KCNIP4: variants seen among roughly 807,000 people sequenced by gnomAD.
KCNIP4 encodes Kv channel-interacting protein 4.
A neutral mutation model predicts 34.0 loss-of-function variants in KCNIP4; 12 were observed. The ratio of observed to expected loss-of-function variants is 0.35; its 90% confidence interval spans 0.23 to 0.57. The LOEUF is 0.57. KCNIP4 is among the 20% of genes least tolerant of loss of function. The probability of loss-of-function intolerance (pLI) is 0.83; values close to 1 mark genes in which losing one functional copy is unlikely to be tolerated. For missense variants in KCNIP4, 238 were observed against 311.7 expected, an observed-to-expected ratio of 0.76 and a Z score of 1.78; for synonymous variants, 124 against 102.2, an observed-to-expected ratio of 1.21 and a Z score of -1.29.
chr4:20,918,520 ACT>A (rs1340931093), intron 1 of KCNIP4, among the ~76,000 whole-genome samples: 1 of 152,076 alleles, frequency 6.6e-6, no homozygotes, highest in Non-Finnish European at 1.5e-5. Context: ...GATGAAGAGT[ACT>A]CCATAATCAC....
At chr4:20,777,161 T>A (rs1756446238) in intron 3 of KCNIP4, among the ~76,000 whole-genome samples, 1 of 152,136 alleles carries the variant, frequency 6.6e-6, no homozygotes, top group South Asian at 2.1e-4. Flanking sequence ...TATAGACGCC[T>A]CAGAAAACTT....
At chr4:21,070,108 T>A (rs1242227522) in intron 1 of KCNIP4, among the ~76,000 whole-genome samples, 1 of 152,204 alleles carries the variant, frequency 6.6e-6, no homozygotes, top group African/African-American at 2.4e-5. Context: ...CTTTCAAGAT[T>A]GGAGTTTTCA....
chr4:21,862,856 G>T (rs1725162849), intron 1 of KCNIP4, among the ~76,000 whole-genome samples: 1 of 151,996 alleles, frequency 6.6e-6, no homozygotes, highest in Non-Finnish European at 1.5e-5. Flanking sequence ...AGCTACTCGG[G>T]AGGCTGAGGC....
In KCNIP4 at chr4:21,678,860, G is replaced by A. The variant is rs193178121; in HGVS notation, c.61+269711C>T. ...TTGAAGTCCTAACTCCCAGTACCTC[G>A]GAACGTGACTGTACTTAGAGATAAG... On this transcript the variant is annotated intron_variant, in intron 1 of 8. Coordinates refer to ENST00000382152, the MANE Select transcript of KCNIP4 (RefSeq NM_025221.6). Among the ~76,000 whole-genome samples, 308 of 152,152 alleles carry A rather than the reference G, an allele frequency of 2.0e-3. 2 individuals are homozygous for A. Among genetic ancestry groups the A allele is most frequent in the African/African-American group, 6.9e-3 (285 of 41,492 alleles).
chr4:21,175,643 C>T (rs770346351), intron 1 of KCNIP4, among the ~76,000 whole-genome samples: 8 of 152,064 alleles, frequency 5.3e-5, no homozygotes, highest in African/African-American at 1.9e-4. Context: ...GTTACTTGAA[C>T]GCAAGCACTG....
At chr4:20,731,589 C>G (rs1047390487) in intron 8 of KCNIP4, 5 of 985,198 alleles carry the variant, frequency 5.1e-6, no homozygotes, top group Admixed American at 1.2e-4. Flanking sequence ...TCTTAGAAAT[C>G]AGATAGAAGC....
chr4:21,330,680 T>G (rs1715540921), intron 1 of KCNIP4, among the ~76,000 whole-genome samples: 1 of 152,174 alleles, frequency 6.6e-6, no homozygotes, highest in Non-Finnish European at 1.5e-5. Context: ...AAAAGTGATG[T>G]CCTTAAAGAA....
chr4:21,459,540 G>A (rs1045888644), intron 1 of KCNIP4, among the ~76,000 whole-genome samples: 1 of 152,028 alleles, frequency 6.6e-6, no homozygotes, highest in Non-Finnish European at 1.5e-5. Context: ...GCTCCCAAAA[G>A]TATAGCTCCT....
At chr4:21,314,000 C>T (rs762641652) in intron 1 of KCNIP4, among the ~76,000 whole-genome samples, 14 of 152,154 alleles carry the variant, frequency 9.2e-5, no homozygotes, top group Non-Finnish European at 1.6e-4. Context: ...GATGTAGGCT[C>T]GGGCTGTGAT....
chr4:21,894,150 GGT>G (rs1727253694), intron 1 of KCNIP4, among the ~76,000 whole-genome samples: 1 of 151,740 alleles, frequency 6.6e-6, no homozygotes, highest in African/African-American at 2.4e-5. Flanking sequence ...TGGGAAACAT[GGT>G]AAAACCCTGT....
At chr4:21,200,679 T>G (rs1756427593) in intron 1 of KCNIP4, among the ~76,000 whole-genome samples, 1 of 151,794 alleles carries the variant, frequency 6.6e-6, no homozygotes, top group Non-Finnish European at 1.5e-5. Flanking sequence ...AAATTATCTA[T>G]TGGGTACGAG....
intron 1 of KCNIP4, among the ~76,000 whole-genome samples, chr4:21,008,293 C>A (rs945541840): frequency 6.6e-6 from 1 of 152,132 alleles, no homozygotes; most frequent in African/African-American, 2.4e-5. Flanking sequence ...ACTCCTCCAC[C>A]CTTTTTGTTC....
intron 1 of KCNIP4, among the ~76,000 whole-genome samples, chr4:21,049,484 A>G (rs1742743317): frequency 6.6e-6 from 1 of 152,186 alleles, no homozygotes; most frequent in African/African-American, 2.4e-5. Flanking sequence ...AACTATACAC[A>G]TTTATTATCT....
intron 1 of KCNIP4, among the ~76,000 whole-genome samples, chr4:21,482,989 G>A (rs191273866): frequency 3.0e-3 from 438 of 145,664 alleles, no homozygotes; most frequent in African/African-American, 0.01. Context: ...GTATAGCAAG[G>A]ACAAAAAAAC....
chr4:21,883,224 C>G (rs1726565239), intron 1 of KCNIP4, among the ~76,000 whole-genome samples: 1 of 150,470 alleles, frequency 6.6e-6, no homozygotes, highest in Non-Finnish European at 1.5e-5. Flanking sequence ...CAGCTCACTG[C>G]AGCCTTATAC....
intron 1 of KCNIP4, among the ~76,000 whole-genome samples, chr4:21,552,053 C>A (rs201299354): frequency 0.015 from 1,704 of 112,120 alleles, 13 homozygotes; most frequent in Middle Eastern, 0.057. Flanking sequence ...AAAAAAAAAA[C>A]AAAAAACAAC....
At chr4:21,866,123 C>G (rs1473318581) in intron 1 of KCNIP4, among the ~76,000 whole-genome samples, 2 of 152,100 alleles carry the variant, frequency 1.3e-5, no homozygotes, top group African/African-American at 2.4e-5. Context: ...GAGTTGCATT[C>G]CTATGGCTTG....
intron 1 of KCNIP4, among the ~76,000 whole-genome samples, chr4:20,975,398 T>C (rs917976523): frequency 2.6e-5 from 4 of 152,120 alleles, no homozygotes; most frequent in African/African-American, 9.7e-5. Flanking sequence ...TCAACTTCTC[T>C]AAGAGACAAT....
chr4:21,112,025 GTATCTATC>G (rs34396290), intron 1 of KCNIP4, among the ~76,000 whole-genome samples: 2,113 of 114,762 alleles, frequency 0.018, 21 homozygotes, highest in African/African-American at 0.049. Context: ...TCCTTTCTCT[GTATCTATC>G]TATCTATCTA....
Sources: allele counts gnomAD v4.1 joint callset (sites outside exome capture counted in the v4.1 genomes callset), GRCh38; gene constraint gnomAD v4.1.1; transcripts MANE v1.5; gene names NCBI Gene and HGNC (gene_info 2026-07-23, HGNC 2026-07-21).